The following CACNB2 variants were observed in gnomAD, a reference collection of about 807,000 sequenced individuals.
The protein encoded by CACNB2 is voltage-dependent L-type calcium channel subunit beta-2.
A neutral mutation model predicts 73.3 loss-of-function variants in CACNB2; 42 were observed. That is an observed-to-expected ratio of 0.57 (90% CI 0.45 to 0.74). The LOEUF is 0.74. CACNB2 is among the 30% of genes least tolerant of loss of function. CACNB2 has a pLI of 0.00. For synonymous variants in CACNB2, 348 were observed against 310.3 expected (o/e 1.12, Z -1.28); for missense variants, 940 against 853.0 (o/e 1.10, Z -1.27).
At chr10:18,506,611 GT>G (rs1387402807) in intron 6 of CACNB2, 64 bp downstream of exon 6, 2 of 1,079,108 alleles carry the variant, frequency 1.9e-6, no homozygotes, top group Non-Finnish European at 2.9e-6. Flanking sequence ...GCTCTATCCA[GT>G]TTTGTGAATT....
chr10:18,441,829 C>T (rs1024964439), intron 3 of CACNB2, among the ~76,000 whole-genome samples: 5 of 152,054 alleles, frequency 3.3e-5, no homozygotes, highest in East Asian at 1.9e-4. Flanking sequence ...GAGACTTGGC[C>T]AGGCCAGTCT....
intron 2 of CACNB2, among the ~76,000 whole-genome samples, chr10:18,162,288 A>C (rs1331519864): frequency 2.0e-5 from 3 of 152,208 alleles, no homozygotes; most frequent in Non-Finnish European, 4.4e-5. Context: ...GCCTCACTTA[A>C]TGTTTCTCTC....
At chr10:18,518,208 G>A (rs2051471032) in intron 7 of CACNB2, 128 bp from the exon 8 acceptor site, 2 of 755,424 alleles carry the variant, frequency 2.6e-6, no homozygotes, top group Non-Finnish European at 2.4e-6. Flanking sequence ...AAAGAGGCAA[G>A]TGGGGAAAAT....
chr10:18,181,088 C>T (rs1441799053), intron 2 of CACNB2, among the ~76,000 whole-genome samples: 1 of 135,842 alleles, frequency 7.4e-6, no homozygotes, highest in Admixed American at 7.1e-5. Context: ...AAAAAGAGGT[C>T]AAGCATATCT....
intron 2 of CACNB2, among the ~76,000 whole-genome samples, chr10:18,291,734 C>T (rs1444009057): frequency 6.6e-6 from 1 of 152,154 alleles, no homozygotes; most frequent in African/African-American, 2.4e-5. Flanking sequence ...GCCAAAATCA[C>T]CTAAGGGCAA....
At chr10:18,457,612 C>T (rs1004309270) in intron 3 of CACNB2, among the ~76,000 whole-genome samples, 11 of 151,888 alleles carry the variant, frequency 7.2e-5, no homozygotes, top group African/African-American at 2.2e-4. Flanking sequence ...AGGAGAGGGC[C>T]GGTCGCGGTG....
chr10:18,160,281 T>G (rs1428940506), intron 2 of CACNB2, among the ~76,000 whole-genome samples: 1 of 152,038 alleles, frequency 6.6e-6, no homozygotes, highest in African/African-American at 2.4e-5. Flanking sequence ...CTCCAGTTAT[T>G]AAAATAATTT....
chr10:18,237,283 A>G (rs968838828), intron 2 of CACNB2, among the ~76,000 whole-genome samples: 1 of 152,226 alleles, frequency 6.6e-6, no homozygotes, highest in African/African-American at 2.4e-5. Context: ...TAAAGATATC[A>G]TCAAATTAAG....
Position 18,432,450 on chromosome 10 carries a change from C to CTG in CACNB2, c.333+30437_333+30438dup, listed in dbSNP as rs57188373. Among the ~76,000 whole-genome samples the CTG allele has an allele frequency of 5.2e-3, 784 of 150,622 alleles. 2 individuals are homozygous for CTG. Among genetic ancestry groups the CTG allele is most frequent in the Admixed American group, 9.5e-3 (143 of 15,014 alleles). On this transcript the variant is annotated intron_variant, in intron 3 of 13. Transcript: ENST00000324631. ...TGTGGAGGGATGGATGTGTGTGTCT[C>CTG]TGTGTGTGTGTGTGTGTGTGTGTGT...
chr10:18,492,546 G>A (rs557293422), intron 3 of CACNB2, among the ~76,000 whole-genome samples: 6 of 149,058 alleles, frequency 4.0e-5, no homozygotes, highest in East Asian at 2.0e-4. Context: ...ACTTGAACCC[G>A]GGAGGCAGAG....
At position 18,339,489 on chromosome 10, in the gene CACNB2, A is replaced by G. The variant is rs570842713; in HGVS notation, c.214-62435A>G. Among the ~76,000 whole-genome samples the G allele has an allele frequency of 2.0e-5, 3 of 152,138 alleles. No homozygotes were observed. The South Asian group carries it at 6.2e-4, about 31-fold the overall frequency. On this transcript the variant is annotated intron_variant, in intron 2 of 13. Transcript: ENST00000324631. ...TGAGCCGAGATCGCGCCACTGCACT[A>G]CAGCCCGGGCAACACAGCAAGACTC... is the stretch of plus-strand genomic sequence containing the variant.
intron 3 of CACNB2, among the ~76,000 whole-genome samples, chr10:18,451,603 G>A (rs1287802172): frequency 2.6e-5 from 4 of 152,142 alleles, no homozygotes; most frequent in African/African-American, 9.7e-5. Context: ...CCCTGCAGAG[G>A]ATGTTTGACC....
intron 2 of CACNB2, among the ~76,000 whole-genome samples, chr10:18,240,462 G>C (rs569701213): frequency 6.0e-4 from 92 of 152,302 alleles, no homozygotes; most frequent in Admixed American, 3.0e-3. Flanking sequence ...GAGATATTGA[G>C]AAAGTGGAAC....
At chr10:18,404,574 T>G (rs2044180650) in intron 3 of CACNB2, among the ~76,000 whole-genome samples, 1 of 152,186 alleles carries the variant, frequency 6.6e-6, no homozygotes, top group African/African-American at 2.4e-5. Flanking sequence ...CATCGAAGCA[T>G]CTCTCAAACA....
At chr10:18,470,820 T>TTA (rs941814472) in intron 3 of CACNB2, among the ~76,000 whole-genome samples, 1 of 151,582 alleles carries the variant, frequency 6.6e-6, no homozygotes, top group African/African-American at 2.4e-5. Context: ...AGCAGCAGAA[T>TTA]TAAAAGATAA....
At chr10:18,324,487 A>G (rs76105158) in intron 2 of CACNB2, among the ~76,000 whole-genome samples, 1 of 152,256 alleles carries the variant, frequency 6.6e-6, no homozygotes, top group Non-Finnish European at 1.5e-5. Context: ...AAATAAGCCA[A>G]TTGGGAAGTC....
intron 2 of CACNB2, among the ~76,000 whole-genome samples, chr10:18,224,709 A>T (rs1227150430): frequency 6.6e-6 from 1 of 152,162 alleles, no homozygotes; most frequent in African/African-American, 2.4e-5. Flanking sequence ...TGACCAGCCC[A>T]GCGTTTGTGG....
At chr10:18,416,332 C>T (rs1415301434) in intron 3 of CACNB2, among the ~76,000 whole-genome samples, 3 of 152,240 alleles carry the variant, frequency 2.0e-5, no homozygotes, top group Middle Eastern at 6.8e-3. Context: ...ATGTATAGAC[C>T]ACATTTCTTT....
At chr10:18,340,026 A>AGTCC (rs1377992223) in intron 2 of CACNB2, among the ~76,000 whole-genome samples, 19 of 152,194 alleles carry the variant, frequency 1.2e-4, no homozygotes, top group Non-Finnish European at 2.8e-4. Context: ...TTAGAAAGGA[A>AGTCC]GTCCTGTGTA....
Sources: allele counts gnomAD v4.1 joint callset (sites outside exome capture counted in the v4.1 genomes callset), GRCh38; gene constraint gnomAD v4.1.1; transcripts MANE v1.5; gene names NCBI Gene and HGNC (gene_info 2026-07-23, HGNC 2026-07-21).